Variants in NXPE2 observed in about 807,000 individuals in gnomAD.
The protein encoded by NXPE2 is neurexophilin and PC-esterase domain family member 2, also known as NXPE family member 2.
In NXPE2, 34 loss-of-function variants were observed where a neutral mutation model predicts 34.4. That is an observed-to-expected ratio of 0.99 (90% CI 0.75 to 1.31). The LOEUF (loss-of-function observed/expected upper bound fraction) is 1.31, where lower values mean the gene tolerates loss of function less well. NXPE2 is among the 40% of genes most tolerant of loss of function. The pLI is 0.00. For missense variants in NXPE2, 649 were observed against 672.5 expected, an observed-to-expected ratio of 0.97 and a Z score of 0.39; for synonymous variants, 235 against 231.3, an observed-to-expected ratio of 1.02 and a Z score of -0.15.
At chr11:114,732,007 T>TGAAA in the NXPE2 span, among the ~76,000 whole-genome samples, 1 of 152,214 alleles carries the variant, frequency 6.6e-6, no homozygotes, top group Admixed American at 6.5e-5. Flanking sequence ...TGTGTTCTTC[T>TGAAA]GAAATGCCTG....
the NXPE2 span, among the ~76,000 whole-genome samples, chr11:114,633,249 T>C: frequency 7.4e-6 from 1 of 135,120 alleles, no homozygotes; most frequent in East Asian, 2.1e-4. Context: ...ATATAATATA[T>C]AATATATAAG....
chr11:114,645,240 G>T, the NXPE2 span, among the ~76,000 whole-genome samples: 2 of 152,092 alleles, frequency 1.3e-5, no homozygotes, highest in African/African-American at 4.8e-5. Context: ...GGCAGAAGCT[G>T]CAGTGAGCTG....
At chr11:114,583,723 C>A in the NXPE2 span, 1 of 545,432 alleles carries the variant, frequency 1.8e-6, no homozygotes, top group Non-Finnish European at 3.6e-6. Context: ...ATGATACAAT[C>A]TGGGCCACCT....
the NXPE2 span, among the ~76,000 whole-genome samples, chr11:114,532,402 A>G: frequency 1.3e-5 from 2 of 152,146 alleles, no homozygotes; most frequent in African/African-American, 2.4e-5. Flanking sequence ...CTTACATTAT[A>G]AAATAGATAA....
the NXPE2 span, among the ~76,000 whole-genome samples, chr11:114,549,084 AT>A: frequency 6.6e-6 from 1 of 152,068 alleles, no homozygotes; most frequent in African/African-American, 2.4e-5. Context: ...ACCTATCAAA[AT>A]TGACCTGAGT....
the NXPE2 span, among the ~76,000 whole-genome samples, chr11:114,781,851 C>A: frequency 6.6e-6 from 1 of 152,098 alleles, no homozygotes; most frequent in African/African-American, 2.4e-5. Context: ...TGACAGTAGA[C>A]CCTCAACTGG....
chr11:114,511,470 A>T, the NXPE2 span, among the ~76,000 whole-genome samples: 2 of 152,174 alleles, frequency 1.3e-5, no homozygotes, highest in African/African-American at 4.8e-5. Flanking sequence ...TGATGGCGTA[A>T]TGGGGAGCTA....
chr11:114,513,065 A>G, the NXPE2 span: 1 of 479,650 alleles, frequency 2.1e-6, no homozygotes, highest in South Asian at 1.7e-5. Flanking sequence ...GAATCTGACC[A>G]GTTAGGTGCC....
At chr11:114,474,420 T>A in the NXPE2 span, among the ~76,000 whole-genome samples, 1 of 152,288 alleles carries the variant, frequency 6.6e-6, no homozygotes, top group South Asian at 2.1e-4. Context: ...GGAAACCTGA[T>A]CCTGTAGGAT....
chr11:114,772,935 C>G, the NXPE2 span, among the ~76,000 whole-genome samples: 2 of 152,132 alleles, frequency 1.3e-5, no homozygotes, highest in African/African-American at 4.8e-5. Flanking sequence ...TCCTGGCATT[C>G]CAGGATCTTA....
the NXPE2 span, among the ~76,000 whole-genome samples, chr11:114,645,225 C>T: frequency 3.3e-5 from 5 of 152,038 alleles, no homozygotes; most frequent in African/African-American, 9.7e-5. Context: ...CACTTGAACC[C>T]GAGAGGCAGA....
chr11:114,668,985 C>A, the NXPE2 span, among the ~76,000 whole-genome samples: 1 of 152,062 alleles, frequency 6.6e-6, no homozygotes, highest in Non-Finnish European at 1.5e-5. Context: ...CCATTCCACT[C>A]CCAGCTCTAT....
At chr11:114,705,583 A>G (rs1356427) in intron 4 of NXPE2, among the ~76,000 whole-genome samples, 198 bp from the exon 5 acceptor site, 54,518 of 152,052 alleles carry the variant, frequency 0.36, 10,013 homozygotes, top group South Asian at 0.38. Flanking sequence ...TCCAAGAAAA[A>G]CTATTCAAGA....
intron 2 of NXPE2, among the ~76,000 whole-genome samples, chr11:114,694,704 CTA>C (rs1320535289): frequency 2.0e-5 from 3 of 152,096 alleles, no homozygotes; most frequent in Non-Finnish European, 2.9e-5. Flanking sequence ...TTTCACATGA[CTA>C]TGTTCAGTCT....
chr11:114,741,911 T>G, the NXPE2 span, among the ~76,000 whole-genome samples: 2 of 152,358 alleles, frequency 1.3e-5, no homozygotes, highest in South Asian at 2.1e-4. Flanking sequence ...GTCTTCACTT[T>G]TGCAGAAGCA....
the NXPE2 span, among the ~76,000 whole-genome samples, chr11:114,779,289 A>G: frequency 8.2e-5 from 12 of 146,180 alleles, no homozygotes; most frequent in Admixed American, 2.0e-4. Context: ...TTTTCCAGCT[A>G]TCACACAGTC....
chr11:114,483,054 C>T, the NXPE2 span, among the ~76,000 whole-genome samples: 4 of 152,274 alleles, frequency 2.6e-5, no homozygotes, highest in African/African-American at 9.6e-5. Flanking sequence ...TTTATATTCT[C>T]TTTGCTTTTC....
chr11:114,536,458 CA>C, the NXPE2 span, among the ~76,000 whole-genome samples: 2 of 152,016 alleles, frequency 1.3e-5, no homozygotes, highest in Non-Finnish European at 2.9e-5. Context: ...GAAATAGAGA[CA>C]AAAAACCCTT....
At chr11:114,798,934 T>C in the NXPE2 span, among the ~76,000 whole-genome samples, 147,576 of 152,250 alleles carry the variant, frequency 0.97, 71,692 homozygotes, top group Middle Eastern at 1. Flanking sequence ...GAAAGCTGCC[T>C]CACGCGCTTT....
Sources: gnomAD v4.1 joint callset for allele counts (sites outside exome capture counted in the v4.1 genomes callset) on GRCh38, gnomAD v4.1.1 for gene constraint, MANE v1.5 for transcripts, NCBI Gene and HGNC (gene_info 2026-07-23, HGNC 2026-07-21) for gene names.